Variants in GABRG3 observed in about 807,000 individuals in gnomAD.
The protein encoded by GABRG3 is gamma-aminobutyric acid type A receptor subunit gamma3.
In GABRG3, 25 loss-of-function variants were observed where a neutral mutation model predicts 48.8. The observed-to-expected ratio is 0.51, with a 90% CI of 0.37 to 0.72. The LOEUF (loss-of-function observed/expected upper bound fraction) is 0.72. Among genes scored for constraint, GABRG3 ranks in the 30% least tolerant of loss-of-function variants. GABRG3 has a pLI of 0.00. For synonymous variants in GABRG3, 227 were observed against 217.6 expected, an observed-to-expected ratio of 1.04 and a Z score of -0.38; for missense variants, 394 against 577.9, an observed-to-expected ratio of 0.68 and a Z score of 3.26.
intron 5 of GABRG3, among the ~76,000 whole-genome samples, chr15:27,412,771 A>G (rs1402441483): frequency 6.6e-6 from 1 of 152,228 alleles, no homozygotes; most frequent in East Asian, 1.9e-4. Context: ...TCAGTAAAGG[A>G]CTAGGATTTT....
chr15:27,259,332 A>G (rs1890706790), intron 3 of GABRG3, among the ~76,000 whole-genome samples: 1 of 152,076 alleles, frequency 6.6e-6, no homozygotes, highest in Non-Finnish European at 1.5e-5. Flanking sequence ...CTCCCCTGCC[A>G]GTTTGGAGGT....
chr15:27,162,605 A>G (rs1887232805), intron 3 of GABRG3, among the ~76,000 whole-genome samples: 1 of 152,084 alleles, frequency 6.6e-6, no homozygotes. Context: ...CCAAATGGAA[A>G]AGGGAGTACC....
chr15:27,237,979 C>G (rs1890025892), intron 3 of GABRG3, among the ~76,000 whole-genome samples: 1 of 152,148 alleles, frequency 6.6e-6, no homozygotes, highest in East Asian at 1.9e-4. Flanking sequence ...GTTATTATGT[C>G]TGGGAAGAAG....
chr15:27,257,461 G>A (rs544450978), intron 3 of GABRG3, among the ~76,000 whole-genome samples: 82 of 151,940 alleles, frequency 5.4e-4, no homozygotes, highest in Non-Finnish European at 9.1e-4. Context: ...CCAGACCAAT[G>A]TCATGGAGCT....
At chr15:27,493,959 G>A (rs748839993) in intron 6 of GABRG3, among the ~76,000 whole-genome samples, 4 of 152,182 alleles carry the variant, frequency 2.6e-5, no homozygotes, top group Non-Finnish European at 4.4e-5. Flanking sequence ...CTTGGCTCTC[G>A]ATTGGATTTT....
intron 5 of GABRG3, among the ~76,000 whole-genome samples, chr15:27,386,731 A>T (rs970373419): frequency 4.6e-5 from 7 of 152,202 alleles, no homozygotes; most frequent in African/African-American, 1.7e-4. Context: ...TCCGCTGTTT[A>T]TAACCAGACT....
chr15:27,408,934 A>G (rs2140596623), intron 5 of GABRG3, among the ~76,000 whole-genome samples: 1 of 152,314 alleles, frequency 6.6e-6, no homozygotes, highest in South Asian at 2.1e-4. Flanking sequence ...CTTGTACAGT[A>G]TGTATTATAC....
intron 3 of GABRG3, among the ~76,000 whole-genome samples, chr15:27,253,807 G>T (rs1224635980): frequency 6.6e-6 from 1 of 152,228 alleles, no homozygotes; most frequent in African/African-American, 2.4e-5. Context: ...AATGGAATGG[G>T]AAGGAATAAT....
chr15:27,313,540 C>T (rs1048299390), intron 3 of GABRG3, among the ~76,000 whole-genome samples: 5 of 151,512 alleles, frequency 3.3e-5, no homozygotes, highest in African/African-American at 1.2e-4. Context: ...CTACATTCTT[C>T]TCAAGTGCAC....
intron 2 of GABRG3, among the ~76,000 whole-genome samples, chr15:27,013,246 T>G (rs1895721251): frequency 6.6e-6 from 1 of 152,108 alleles, no homozygotes; most frequent in Non-Finnish European, 1.5e-5. Context: ...ATGACAGGAT[T>G]TCTTTGTTTT....
At chr15:27,005,202 A>C (rs1895559296) in intron 2 of GABRG3, among the ~76,000 whole-genome samples, 1 of 151,768 alleles carries the variant, frequency 6.6e-6, no homozygotes, top group Admixed American at 6.6e-5. Flanking sequence ...ATTTTATTTT[A>C]TTTATTTATT....
chr15:27,252,894 G>A (rs766449502), intron 3 of GABRG3, among the ~76,000 whole-genome samples: 6 of 152,186 alleles, frequency 3.9e-5, no homozygotes, highest in South Asian at 2.1e-4. Context: ...CTCCAACACC[G>A]GCTTTGTTGT....
intron 3 of GABRG3, among the ~76,000 whole-genome samples, chr15:27,089,857 G>A (rs1897155411): frequency 6.6e-6 from 1 of 152,214 alleles, no homozygotes; most frequent in Non-Finnish European, 1.5e-5. Flanking sequence ...GTTCATCCAT[G>A]CTGCACCCCG....
intron 3 of GABRG3, among the ~76,000 whole-genome samples, chr15:27,281,511 T>C (rs572801591): frequency 6.6e-6 from 1 of 151,802 alleles, no homozygotes; most frequent in East Asian, 1.9e-4. Context: ...GATTTACCTA[T>C]AGTTTTTAGG....
intron 3 of GABRG3, among the ~76,000 whole-genome samples, chr15:27,113,046 C>T (rs758681563): frequency 6.6e-6 from 1 of 152,110 alleles, no homozygotes; most frequent in Admixed American, 6.5e-5. Flanking sequence ...TGGAGGGAAT[C>T]ATTTATTTTG....
At chr15:27,069,988 G>A (rs576716182) in intron 3 of GABRG3, among the ~76,000 whole-genome samples, 39 of 152,340 alleles carry the variant, frequency 2.6e-4, no homozygotes, top group Non-Finnish European at 5.1e-4. Context: ...GACAATGCAA[G>A]CTGCCCTTCC....
At chr15:27,124,196 T>A (rs1306340814) in intron 3 of GABRG3, among the ~76,000 whole-genome samples, 1 of 152,234 alleles carries the variant, frequency 6.6e-6, no homozygotes, top group Non-Finnish European at 1.5e-5. Flanking sequence ...TAGACACTTC[T>A]GGATATTGTA....
At chr15:27,198,665 T>C (rs1341853812) in intron 3 of GABRG3, among the ~76,000 whole-genome samples, 2 of 152,216 alleles carry the variant, frequency 1.3e-5, no homozygotes, top group Non-Finnish European at 2.9e-5. Context: ...CAAAGTATTA[T>C]AAATAATTCT....
At chr15:27,331,340 A>G (rs1893794586) in intron 5 of GABRG3, among the ~76,000 whole-genome samples, 1 of 152,214 alleles carries the variant, frequency 6.6e-6, no homozygotes, top group African/African-American at 2.4e-5. Flanking sequence ...GAAGCAACCA[A>G]GATGTCCTTT....
Sources: gnomAD v4.1 joint callset for allele counts (sites outside exome capture counted in the v4.1 genomes callset) on GRCh38, gnomAD v4.1.1 for gene constraint, MANE v1.5 for transcripts, NCBI Gene and HGNC (gene_info 2026-07-23, HGNC 2026-07-21) for gene names.